The following GLOD4 variants were observed in gnomAD, a reference collection of about 807,000 sequenced individuals.
The protein encoded by GLOD4 is glyoxalase domain containing 4.
Under a neutral mutation model 39.1 loss-of-function variants are expected in GLOD4, and 44 were observed. The ratio of observed to expected loss-of-function variants is 1.13; its 90% CI spans 0.88 to 1.45. The LOEUF is 1.45. GLOD4 is among the 40% of genes most tolerant of loss of function. GLOD4 has a pLI of 0.00. For synonymous variants in GLOD4, 145 were observed against 135.0 expected (o/e 1.07, Z -0.52); for missense variants, 405 against 366.4 (o/e 1.11, Z -0.86).
At chr17:773,457 G>C (rs1263567355) in intron 4 of GLOD4, among the ~76,000 whole-genome samples, 1 of 152,160 alleles carries the variant, frequency 6.6e-6, no homozygotes, top group Non-Finnish European at 1.5e-5. Context: ...TTTGACAAAA[G>C]ATTGGAAAGA....
chr17:777,740 T>G (rs1402878979), intron 2 of GLOD4: 1 of 152,234 alleles, frequency 6.6e-6, no homozygotes, highest in Non-Finnish European at 1.5e-5. Context: ...TTGTCCCTGG[T>G]TCCTGTCTCA....
intron 8 of GLOD4, among the ~76,000 whole-genome samples, chr17:767,372 G>A (rs1906764882): frequency 6.6e-6 from 1 of 152,180 alleles, no homozygotes; most frequent in African/African-American, 2.4e-5. Context: ...GCTATATTTG[G>A]CAAGAAACAA....
chr17:782,582 G>A (rs1301323553), upstream of GLOD4: 2 of 1,614,100 alleles, frequency 1.2e-6, no homozygotes, highest in Non-Finnish European at 1.7e-6. Flanking sequence ...CCAGTGCCCA[G>A]GAGCAACGAG....
intron 5 of GLOD4, 130 bp from the exon 6 acceptor site, chr17:770,637 A>G: frequency 1.6e-6 from 1 of 615,826 alleles, no homozygotes; most frequent in Non-Finnish European, 2.9e-6. Flanking sequence ...CTCTCACCCC[A>G]GAGACAACTA....
chr17:770,190 G>T (rs2144365418), intron 6 of GLOD4, 33 bp from the exon 7 acceptor site: 2 of 1,164,518 alleles, frequency 1.7e-6, no homozygotes, highest in Non-Finnish European at 2.6e-6. Context: ...TGAGCCAGGG[G>T]TCACACACTA....
rs775608261 is a variant in GLOD4, at chr17:782,107, G to A, written c.90+59C>T. On this transcript the variant is annotated intron_variant, in intron 1 of 8. Coordinates refer to ENST00000301329, the MANE Select transcript of GLOD4 (RefSeq NM_016080.4). The stretch of plus-strand genomic sequence containing the variant: ...CCCATTTTCCCCTCCCTCCGCCAGG[G>A]CCGGCTCGGGCGCCGGTTCCAGCCT... The A allele has an allele frequency of 2.3e-6, 3 of 1,314,070 alleles. No homozygotes were observed. The Admixed American group carries it at 6.1e-5, about 27-fold the overall frequency. 81.4% of individuals were successfully genotyped at this position (1,314,070 alleles called of 1,614,324 possible). A position where few individuals can be genotyped will look rare whatever the true frequency, so the allele number is the denominator to read the frequency against.
chr17:772,982 G>A (rs945779101), intron 4 of GLOD4, among the ~76,000 whole-genome samples: 9 of 150,198 alleles, frequency 6.0e-5, no homozygotes, highest in Admixed American at 1.3e-4. Context: ...GCGACAGAGC[G>A]AGACTCTGTC....
intron 2 of GLOD4, 87 bp downstream of exon 2, chr17:778,608 T>G: frequency 1.2e-6 from 1 of 850,304 alleles, no homozygotes; most frequent in Non-Finnish European, 2.1e-6. Context: ...TTAATTCCAC[T>G]GCTTTATACT....
rs142209461 is a variant in GLOD4, at chr17:776,858, C to A, written c.261+10G>T. The A allele has an allele frequency of 2.7e-4, 438 of 1,609,626 alleles. 1 individual carries two copies. The highest frequency in any genetic ancestry group is 3.6e-4 in the Non-Finnish European group (423 of 1,176,034). Reference sequence around the variant, plus strand: ...CAGCCAAAACTCTGCTAGAAAAAAACGGTATTTACCATAAAGTCATTGCCA... The same window carrying A: ...CAGCCAAAACTCTGCTAGAAAAAAAAGGTATTTACCATAAAGTCATTGCCA... On this transcript the variant is annotated intron_variant, in intron 3 of 8. Transcript: ENST00000301329.
chr17:780,990 G>T (rs113593421), intron 1 of GLOD4, among the ~76,000 whole-genome samples: 10,971 of 144,144 alleles, frequency 0.076, 1,345 homozygotes, highest in African/African-American at 0.26. Context: ...GTGCGATCTC[G>T]GCTCACTGCA....
intron 8 of GLOD4, chr17:763,563 A>G (rs1597574870): frequency 6.6e-6 from 1 of 152,170 alleles, no homozygotes; most frequent in Non-Finnish European, 1.5e-5. Flanking sequence ...TTAAGAACGT[A>G]CCGATATAGT....
upstream of GLOD4, among the ~76,000 whole-genome samples, chr17:785,198 A>C (rs1910479060): frequency 6.6e-6 from 1 of 152,082 alleles, no homozygotes; most frequent in Non-Finnish European, 1.5e-5. Context: ...TATCATTATC[A>C]CCTCTACCAG....
At chr17:782,391 G>T, upstream of GLOD4, 1 of 1,613,740 alleles carries the variant, frequency 6.2e-7, no homozygotes, top group African/African-American at 1.3e-5. Context: ...GGCGGCGCTG[G>T]TGAGACCCGC....
At position 769,934 on chromosome 17, in the gene GLOD4, C is replaced by A; in HGVS notation, c.766G>T (p.Val256Phe). The change falls in exon 8 of 9, where the codon GTC (valine) becomes TTC (phenylalanine). Residue 256 changes from valine to phenylalanine, a missense_variant. Physicochemically the swap from Val to Phe is conservative, Grantham distance 50. Transcript: ENST00000301329. ...AGTTCTCGAAATGCTTCATCCCCGA[C>A]AAAGCAAATTTCATGTCCGTCCTAC... is the stretch of plus-strand genomic sequence containing the variant. ...ADPDGHEICF[V>F]GDEAFRELSK... 1 of 1,611,102 alleles carries A rather than the reference C, an allele frequency of 6.2e-7. No individual in the cohort carries two copies. The highest frequency in any genetic ancestry group is 8.5e-7 in the Non-Finnish European group (1 of 1,177,242).
Position 768,462 on chromosome 17 carries a change from GCACT to G in GLOD4, c.831+1403_831+1406del, listed in dbSNP as rs1482784550. Among the ~76,000 whole-genome samples the G allele has an allele frequency of 3.7e-5, 5 of 133,914 alleles. No homozygotes were observed. In the Admixed American group the frequency reaches 3.9e-4, roughly 10 times the overall value. 87.9% of individuals were successfully genotyped at this position (133,914 alleles called of 152,430 possible). ...AGGACATAAGAGGGAGAAACAGCGC[GCACT>G]CAGATTTTTAGAAGAAATCTGGAGA... is the stretch of plus-strand genomic sequence containing the variant. On this transcript the variant is annotated intron_variant, in intron 8 of 8. Coordinates refer to ENST00000301329, the MANE Select transcript of GLOD4 (RefSeq NM_016080.4).
chr17:775,050 A>G (rs1321659551), intron 4 of GLOD4, among the ~76,000 whole-genome samples: 2 of 150,982 alleles, frequency 1.3e-5, no homozygotes, highest in Admixed American at 6.6e-5. Context: ...AGCCTGGGCG[A>G]CAGAGCAAGA....
Position 775,962 on chromosome 17 carries a change from A to G in GLOD4, c.262-43T>C, listed in dbSNP as rs372677368. 223 of 1,568,936 alleles carry G rather than the reference A, an allele frequency of 1.4e-4. 1 individual carries two copies. Among genetic ancestry groups the G allele is most frequent in the Admixed American group, 2.9e-4 (17 of 59,278 alleles). The stretch of plus-strand genomic sequence containing the variant: ...ACATCCAAGTACATGATCACAACAG[A>G]TATTTTACAGAACAAGACAATGAGC... On this transcript the variant is annotated intron_variant, in intron 3 of 8. Coordinates refer to ENST00000301329, the MANE Select transcript of GLOD4 (RefSeq NM_016080.4).
Position 770,634 on chromosome 17 carries a change from C to A in GLOD4, c.544-127G>T, listed in dbSNP as rs185556470. On this transcript the variant is annotated intron_variant, in intron 5 of 8. Transcript: ENST00000301329. ...AACTGAGTCTCTATCCTACTCTCAC[C>A]CCAGAGACAACTAGTCCACACTTTC... The A allele has an allele frequency of 3.7e-4, 229 of 622,880 alleles. No homozygotes were observed. The African/African-American group carries it at 3.7e-3, about 10-fold the overall frequency. 38.6% of individuals were successfully genotyped at this position (622,880 alleles called of 1,614,324 possible).
upstream of GLOD4, chr17:783,516 T>C: frequency 2.0e-6 from 1 of 512,678 alleles, no homozygotes; most frequent in Non-Finnish European, 3.3e-6. Context: ...TTTGTATTTT[T>C]AGTAGAGGTG....
Sources: gnomAD v4.1 joint callset for allele counts (sites outside exome capture counted in the v4.1 genomes callset) on GRCh38, gnomAD v4.1.1 for gene constraint, MANE v1.5 for transcripts, NCBI Gene and HGNC (gene_info 2026-07-23, HGNC 2026-07-21) for gene names.